The following ZFHX3 variants were observed in gnomAD, a reference collection of about 807,000 sequenced individuals.
ZFHX3 encodes zinc finger homeobox protein 3.
ZFHX3 carries 42 observed loss-of-function variants against 279.1 expected under a neutral mutation model. That is an observed-to-expected ratio of 0.15 (90% confidence interval 0.12 to 0.19). The LOEUF (loss-of-function observed/expected upper bound fraction) is 0.19, where lower values mean the gene tolerates loss of function less well. Ranked by LOEUF, ZFHX3 falls within the 10% of genes least tolerant of loss-of-function variation. The pLI is 1.00. For missense variants in ZFHX3, 4,981 were observed against 4,754.0 expected, an observed-to-expected ratio of 1.05 and a Z score of -1.40; for synonymous variants, 2,293 against 1,957.8, an observed-to-expected ratio of 1.17 and a Z score of -4.52.
At chr16:73,844,855 T>C (rs1223196481) in intron 1 of ZFHX3, among the ~76,000 whole-genome samples, 1 of 109,502 alleles carries the variant, frequency 9.1e-6, no homozygotes, top group Non-Finnish European at 1.8e-5. Context: ...GATAGATGGA[T>C]AGGTAGGTAG....
chr16:73,543,671 G>A (rs994428362), intron 2 of ZFHX3, among the ~76,000 whole-genome samples: 1 of 152,124 alleles, frequency 6.6e-6, no homozygotes, highest in Non-Finnish European at 1.5e-5. Flanking sequence ...CTCAGGGTCC[G>A]ATATTTCTTT....
chr16:73,833,692 G>A (rs551353716), intron 1 of ZFHX3, among the ~76,000 whole-genome samples: 28 of 151,844 alleles, frequency 1.8e-4, no homozygotes, highest in Admixed American at 1.7e-3. Context: ...ACCATGGCAC[G>A]TGTATACCTA....
intron 1 of ZFHX3, among the ~76,000 whole-genome samples, chr16:73,849,763 C>T (rs756140193): frequency 2.6e-5 from 4 of 152,346 alleles, no homozygotes; most frequent in African/African-American, 4.8e-5. Context: ...GACGGACTCT[C>T]GCTCTGTCGC....
intron 2 of ZFHX3, chr16:73,500,104 T>C (rs2019208506): frequency 1.3e-5 from 2 of 152,216 alleles, no homozygotes; most frequent in Non-Finnish European, 2.9e-5. Context: ...ATAAAAAATT[T>C]AACTGTACAA....
At chr16:72,968,721 T>C (rs8053929) in intron 1 of ZFHX3, among the ~76,000 whole-genome samples, 138,196 of 152,120 alleles carry the variant, frequency 0.91, 62,969 homozygotes, top group Admixed American at 0.93. Flanking sequence ...CCTCAGCCTG[T>C]CAAAGTGCTG....
At chr16:73,025,622 C>T (rs1354184606) in intron 1 of ZFHX3, among the ~76,000 whole-genome samples, 6 of 152,132 alleles carry the variant, frequency 3.9e-5, no homozygotes, top group African/African-American at 1.4e-4. Flanking sequence ...CCTTATCCCT[C>T]CCCCAGGCAC....
At chr16:72,941,491 T>C (rs963509262) in intron 3 of ZFHX3, among the ~76,000 whole-genome samples, 7 of 152,188 alleles carry the variant, frequency 4.6e-5, no homozygotes, top group Non-Finnish European at 1.0e-4. Context: ...GATGCCCAGT[T>C]AAATGTGAAT....
At chr16:73,323,654 C>G (rs1348894682) in intron 3 of ZFHX3, among the ~76,000 whole-genome samples, 9 of 152,120 alleles carry the variant, frequency 5.9e-5, no homozygotes, top group African/African-American at 1.9e-4. Context: ...CTGTACATGT[C>G]TTTGGGTAAA....
intron 1 of ZFHX3, among the ~76,000 whole-genome samples, chr16:73,730,352 C>CAAAAA (rs66477968): frequency 5.2e-4 from 42 of 81,126 alleles, no homozygotes; most frequent in African/African-American, 1.4e-3. Flanking sequence ...CCTCCCCTCG[C>CAAAAA]AAAAAAAAAA....
chr16:73,191,622 C>T (rs907002086), intron 5 of ZFHX3, among the ~76,000 whole-genome samples: 1 of 152,198 alleles, frequency 6.6e-6, no homozygotes, highest in East Asian at 1.9e-4. Flanking sequence ...CTCGATTTTT[C>T]CCCCCAGATT....
chr16:73,203,604 A>G (rs571479740), intron 5 of ZFHX3, among the ~76,000 whole-genome samples: 65 of 152,314 alleles, frequency 4.3e-4, no homozygotes, highest in African/African-American at 1.4e-3. Flanking sequence ...AACCATTCAA[A>G]CAAATTCTGA....
intron 2 of ZFHX3, among the ~76,000 whole-genome samples, chr16:73,653,012 A>G (rs988231427): frequency 6.6e-6 from 1 of 152,166 alleles, no homozygotes; most frequent in African/African-American, 2.4e-5. Flanking sequence ...GATACAAAAT[A>G]TTGATACTAA....
At chr16:73,847,964 T>C (rs191335845) in intron 1 of ZFHX3, among the ~76,000 whole-genome samples, 17 of 147,076 alleles carry the variant, frequency 1.2e-4, no homozygotes, top group African/African-American at 3.8e-4. Context: ...TTTCACCATA[T>C]TGGCCAGACT....
At chr16:73,225,110 C>T (rs2012551672) in intron 5 of ZFHX3, among the ~76,000 whole-genome samples, 1 of 152,086 alleles carries the variant, frequency 6.6e-6, no homozygotes, top group African/African-American at 2.4e-5. Context: ...TTTATATATG[C>T]ATACATGTTA....
At chr16:73,890,510 C>A (rs1056141502) in intron 1 of ZFHX3, among the ~76,000 whole-genome samples, 2 of 152,160 alleles carry the variant, frequency 1.3e-5, no homozygotes, top group African/African-American at 4.8e-5. Flanking sequence ...CGGTTGAAAC[C>A]TTTGCCACCC....
intron 3 of ZFHX3, among the ~76,000 whole-genome samples, chr16:73,404,491 T>A (rs1361762309): frequency 6.6e-6 from 1 of 152,166 alleles, no homozygotes; most frequent in Non-Finnish European, 1.5e-5. Context: ...AAATTACAAG[T>A]CTAAGCAGCC....
At chr16:73,663,394 C>G (rs2052804893) in intron 2 of ZFHX3, among the ~76,000 whole-genome samples, 2 of 152,198 alleles carry the variant, frequency 1.3e-5, no homozygotes, top group African/African-American at 4.8e-5. Flanking sequence ...TTGACCACCT[C>G]CACTCCCCAC....
chr16:73,110,242 A>G (rs961848448), intron 7 of ZFHX3, among the ~76,000 whole-genome samples: 12 of 152,178 alleles, frequency 7.9e-5, no homozygotes, highest in Non-Finnish European at 1.5e-4. Context: ...TTACTTTTAA[A>G]TCCTAAAAAT....
intron 3 of ZFHX3, among the ~76,000 whole-genome samples, chr16:73,385,507 G>C (rs548487225): frequency 6.6e-6 from 1 of 152,254 alleles, no homozygotes; most frequent in South Asian, 2.1e-4. Context: ...ACCAGCTCAT[G>C]TCAAAACAGT....
Sources: allele counts gnomAD v4.1 joint callset (sites outside exome capture counted in the v4.1 genomes callset), GRCh38; gene constraint gnomAD v4.1.1; transcripts MANE v1.5; gene names NCBI Gene and HGNC (gene_info 2026-07-23, HGNC 2026-07-21).